The following CREB5 variants were observed in gnomAD, a reference collection of about 807,000 sequenced individuals.
CREB5 encodes cyclic AMP-responsive element-binding protein 5.
CREB5 carries 19 observed loss-of-function variants against 57.1 expected under a neutral mutation model. The ratio of observed to expected loss-of-function variants is 0.33; its 90% CI spans 0.23 to 0.49. The LOEUF (loss-of-function observed/expected upper bound fraction) is 0.49, where lower values mean the gene tolerates loss of function less well. Among genes scored for constraint, CREB5 ranks in the 20% least tolerant of loss-of-function variants. CREB5 has a pLI of 0.99. For synonymous variants in CREB5, 238 were observed against 238.3 expected, an observed-to-expected ratio of 1.00 and a Z score of 0.01; for missense variants, 579 against 671.6, an observed-to-expected ratio of 0.86 and a Z score of 1.52.
chr7:28,509,688 A>C (rs1349291886), intron 4 of CREB5, among the ~76,000 whole-genome samples: 1 of 152,330 alleles, frequency 6.6e-6, no homozygotes, highest in South Asian at 2.1e-4. Flanking sequence ...TAGATAATTA[A>C]ATTTTAAAAA....
chr7:28,627,571 T>C (rs1332155366), intron 5 of CREB5, among the ~76,000 whole-genome samples: 1 of 152,152 alleles, frequency 6.6e-6, no homozygotes, highest in Non-Finnish European at 1.5e-5. Flanking sequence ...GGCTCAGAAA[T>C]AAGTAAAATT....
chr7:28,785,977 T>A (rs1459016977), intron 7 of CREB5, among the ~76,000 whole-genome samples: 1 of 152,184 alleles, frequency 6.6e-6, no homozygotes, highest in African/African-American at 2.4e-5. Flanking sequence ...CGTGTCATCG[T>A]GCCTCCTTCC....
At chr7:28,810,538 C>CA (rs556106120) in intron 9 of CREB5, among the ~76,000 whole-genome samples, 21 of 152,034 alleles carry the variant, frequency 1.4e-4, no homozygotes, top group Non-Finnish European at 2.5e-4. Flanking sequence ...ACTAAAAACA[C>CA]AAAAAAAAAT....
Position 28,818,085 on chromosome 7 carries a change from G to A in CREB5, c.1269G>A (p.Met423Ile), listed in dbSNP as rs1432924889. 1.2e-6 allele frequency: 2 copies of A among 1,613,500 alleles called. No individual in the cohort carries two copies. The highest frequency in any genetic ancestry group is 2.2e-5 in the East Asian group (1 of 44,870). Residue 423 changes from methionine to isoleucine, a missense_variant, in exon 10 of 11, where the codon ATG becomes ATA. Transcript: ENST00000357727. ...TNMQLQNEVS[M>I]LKNEVAQLKQ... The stretch of plus-strand genomic sequence containing the variant: ...ATCTCTTTTAGAATGAAGTGTCTAT[G>A]TTGAAAAATGAGGTGGCCCAGCTGA...
chr7:28,522,916 A>G (rs1793272983), intron 4 of CREB5, among the ~76,000 whole-genome samples: 2 of 152,194 alleles, frequency 1.3e-5, no homozygotes, highest in African/African-American at 4.8e-5. Context: ...GCGTAATTCC[A>G]GTTCCCAACC....
At chr7:28,540,428 C>T (rs1417452984) in intron 4 of CREB5, among the ~76,000 whole-genome samples, 1 of 152,060 alleles carries the variant, frequency 6.6e-6, no homozygotes, top group East Asian at 1.9e-4. Flanking sequence ...GATGATAGCT[C>T]TAATAGGCAT....
intron 5 of CREB5, among the ~76,000 whole-genome samples, chr7:28,594,808 G>A (rs1237598637): frequency 6.6e-6 from 1 of 152,110 alleles, no homozygotes; most frequent in Non-Finnish European, 1.5e-5. Flanking sequence ...CTTCATACAT[G>A]TGAGGCCCAG....
intron 4 of CREB5, among the ~76,000 whole-genome samples, chr7:28,534,095 CT>C (rs1176986651): frequency 6.6e-6 from 1 of 152,160 alleles, no homozygotes; most frequent in Non-Finnish European, 1.5e-5. Flanking sequence ...CCCACAGGGC[CT>C]CAGGCCTCAG....
In CREB5 at chr7:28,620,019, A is replaced by G. The variant is rs964708680; in HGVS notation, c.464+49482A>G. Among the ~76,000 whole-genome samples, 4 of 152,354 alleles carry G rather than the reference A, an allele frequency of 2.6e-5. No individual in the cohort carries two copies. In the East Asian group the frequency reaches 7.7e-4, roughly 29 times the overall value. ...TAAAAATGAAATTTGATGGGTTTCTAAGCCTCTGCAGAATTTGGGCATCAT... is the reference window on the plus strand; with the variant it reads ...TAAAAATGAAATTTGATGGGTTTCTGAGCCTCTGCAGAATTTGGGCATCAT... On this transcript the variant is annotated intron_variant, in intron 5 of 10. Transcript: ENST00000357727.
chr7:28,689,188 T>C (rs575978962), intron 5 of CREB5, among the ~76,000 whole-genome samples: 1 of 152,174 alleles, frequency 6.6e-6, no homozygotes, highest in Non-Finnish European at 1.5e-5. Context: ...AGAAATAATA[T>C]GGAGAGGGCC....
chr7:28,315,264 C>T (rs1487685014), intron 1 of CREB5, among the ~76,000 whole-genome samples: 1 of 152,200 alleles, frequency 6.6e-6, no homozygotes, highest in African/African-American at 2.4e-5. Context: ...GCTGGCATTC[C>T]TACTATGTTG....
intron 5 of CREB5, among the ~76,000 whole-genome samples, chr7:28,681,964 A>G (rs1800616216): frequency 6.6e-6 from 1 of 152,212 alleles, no homozygotes; most frequent in African/African-American, 2.4e-5. Context: ...GGCTAATCAA[A>G]TGGCTCTTGT....
intron 1 of CREB5, among the ~76,000 whole-genome samples, chr7:28,346,530 C>T (rs1786061512): frequency 6.6e-6 from 1 of 152,244 alleles, no homozygotes; most frequent in Non-Finnish European, 1.5e-5. Context: ...GGAACACAAA[C>T]ATTCAGGCCA....
chr7:28,776,026 TG>T (rs778780109), intron 7 of CREB5, among the ~76,000 whole-genome samples: 3 of 152,140 alleles, frequency 2.0e-5, no homozygotes, highest in Non-Finnish European at 2.9e-5. Flanking sequence ...TTAGAATTTG[TG>T]GTGAGCTTAA....
At chr7:28,566,246 G>A (rs1332712840) in intron 4 of CREB5, among the ~76,000 whole-genome samples, 4 of 152,174 alleles carry the variant, frequency 2.6e-5, no homozygotes, top group Non-Finnish European at 5.9e-5. Context: ...CATACAGTTG[G>A]CTCAAGTAAA....
intron 1 of CREB5, among the ~76,000 whole-genome samples, chr7:28,476,665 T>C (rs1211425020): frequency 6.6e-6 from 1 of 152,160 alleles, no homozygotes; most frequent in African/African-American, 2.4e-5. Context: ...AATAATACAG[T>C]TTTACTTTTC....
chr7:28,549,476 T>A (rs1794538768), intron 4 of CREB5, among the ~76,000 whole-genome samples: 1 of 152,190 alleles, frequency 6.6e-6, no homozygotes, highest in Admixed American at 6.5e-5. Flanking sequence ...AGACTGAAAT[T>A]TCTCCTAGGG....
At chr7:28,563,056 C>G (rs1795340578) in intron 4 of CREB5, among the ~76,000 whole-genome samples, 1 of 152,196 alleles carries the variant, frequency 6.6e-6, no homozygotes, top group Admixed American at 6.5e-5. Context: ...CTCTTTGCCT[C>G]AATGTCCTCA....
rs144914443 is a variant in CREB5, at chr7:28,755,204, A to T, written c.702+30872A>T. ...AAGGACCTGCTACTGGATCTGGAAG[A>T]CTTGGAGAAAATACTTTGTAAAGGA... is the stretch of plus-strand genomic sequence containing the variant. On this transcript the variant is annotated intron_variant, in intron 7 of 10. Coordinates refer to ENST00000357727, the MANE Select transcript of CREB5 (RefSeq NM_182898.4). 9.2e-5 allele frequency among the ~76,000 whole-genome samples: 14 copies of T among 152,296 alleles called. No individual in the cohort carries two copies. In the East Asian group the frequency reaches 2.5e-3, roughly 27 times the overall value.
Sources: gnomAD v4.1 joint callset for allele counts (sites outside exome capture counted in the v4.1 genomes callset) on GRCh38, gnomAD v4.1.1 for gene constraint, MANE v1.5 for transcripts, NCBI Gene and HGNC (gene_info 2026-07-23, HGNC 2026-07-21) for gene names.